Variants in PALS2 observed in about 807,000 individuals in gnomAD.
PALS2 encodes protein associated with LIN7 2, MAGUK p55 family member.
In PALS2, 27 loss-of-function variants were observed where a neutral mutation model predicts 61.6. The observed-to-expected ratio is 0.44, with a 90% CI of 0.32 to 0.60. The LOEUF (loss-of-function observed/expected upper bound fraction) is 0.60. Ranked by LOEUF, PALS2 falls within the 20% of genes least tolerant of loss-of-function variation. The probability of loss-of-function intolerance (pLI) is 0.05; values close to 1 mark genes in which losing one functional copy is unlikely to be tolerated. For missense variants in PALS2, 554 were observed against 639.4 expected, an observed-to-expected ratio of 0.87 and a Z score of 1.44; for synonymous variants, 236 against 218.6, an observed-to-expected ratio of 1.08 and a Z score of -0.70.
chr7:24,602,190 C>G (rs1046000167), intron 1 of PALS2, among the ~76,000 whole-genome samples: 18 of 151,984 alleles, frequency 1.2e-4, no homozygotes, highest in African/African-American at 4.1e-4. Context: ...TTTTTATTTT[C>G]TAAGAGCTCT....
intron 9 of PALS2, among the ~76,000 whole-genome samples, chr7:24,675,185 T>C (rs1787499388): frequency 6.6e-6 from 1 of 152,016 alleles, no homozygotes; most frequent in South Asian, 2.1e-4. Context: ...AGCATGGAGG[T>C]AGAGGTAATA....
chr7:24,599,620 C>G (rs930680738), intron 1 of PALS2, among the ~76,000 whole-genome samples: 4 of 150,008 alleles, frequency 2.7e-5, no homozygotes, highest in Admixed American at 1.3e-4. Flanking sequence ...TTTTCCCGTC[C>G]CAGCCTCCCA....
rs752769791 is a variant in PALS2, at chr7:24,623,761, C to T, written c.94C>T (p.Pro32Ser). 2 of 1,583,268 alleles carry T rather than the reference C, an allele frequency of 1.3e-6. No homozygotes were observed. The highest frequency in any genetic ancestry group is 2.3e-5 in the South Asian group (2 of 88,026). Residue 32 changes from proline to serine, a missense_variant, in exon 2 of 12, where the codon CCT becomes TCT. By Grantham distance (74) the Pro-to-Ser change is moderately conservative (BLOSUM62 -1). Transcript: ENST00000222644. Reference sequence around the variant, plus strand: ...TTTCCTCAAGGGAATTATGGAGAATCCTATTGTAAAATCACTTGCTAAGGT... The same window carrying T: ...TTTCCTCAAGGGAATTATGGAGAATTCTATTGTAAAATCACTTGCTAAGGT... ...LIFLKGIMEN[P>S]IVKSLAKAHE...
intron 11 of PALS2, among the ~76,000 whole-genome samples, chr7:24,683,867 C>T (rs73079935): frequency 6.6e-6 from 1 of 152,262 alleles, no homozygotes; most frequent in Non-Finnish European, 1.5e-5. Context: ...CTTATTTTAT[C>T]TTATATGTCT....
rs559356358 is a variant in PALS2 at position 24,674,483 on chromosome 7, C to G, written c.1115-4648C>G. On this transcript the variant is annotated intron_variant, in intron 9 of 11. Transcript: ENST00000222644. The stretch of plus-strand genomic sequence containing the variant: ...CAAGGGCTTAAAGCCCTCCACAGAA[C>G]CTTTTCTTAGAATGAATGGGTTTAG... 2.0e-5 allele frequency: 3 copies of G among 152,994 alleles called. No individual in the cohort carries two copies. The East Asian group carries it at 5.8e-4, about 30-fold the overall frequency. The allele number at this position is 152,994 out of a possible 1,614,324, so 9.5% of individuals were successfully genotyped here.
At chr7:24,619,149 A>G (rs1198683396) in intron 1 of PALS2, among the ~76,000 whole-genome samples, 2 of 152,148 alleles carry the variant, frequency 1.3e-5, no homozygotes, top group African/African-American at 2.4e-5. Flanking sequence ...TAGTTTACTC[A>G]TACTTTCCTG....
chr7:24,636,080 C>T (rs1333409471), intron 2 of PALS2, among the ~76,000 whole-genome samples: 6 of 151,736 alleles, frequency 4.0e-5, no homozygotes, highest in East Asian at 3.9e-4. Flanking sequence ...GGCATGGTGG[C>T]GCATGCCTGT....
At chr7:24,626,515 A>G (rs561865566) in intron 2 of PALS2, among the ~76,000 whole-genome samples, 1 of 152,330 alleles carries the variant, frequency 6.6e-6, no homozygotes, top group East Asian at 1.9e-4. Context: ...TGACGGGATC[A>G]GATTCACACA....
At chr7:24,644,824 TTAA>T (rs773319752) in intron 3 of PALS2, among the ~76,000 whole-genome samples, 8 of 152,108 alleles carry the variant, frequency 5.3e-5, no homozygotes, top group African/African-American at 9.7e-5. Flanking sequence ...TTTTGACCTT[TTAA>T]TAATAGCCAT....
In PALS2 at chr7:24,685,381, CA is replaced by C. The variant is rs200526662; in HGVS notation, c.1447-2056del. On this transcript the variant is annotated intron_variant, in intron 11 of 11. Transcript: ENST00000222644. The stretch of plus-strand genomic sequence containing the variant: ...TCCAACATAAATCTTAAAACGAATC[CA>C]GCTTTTCTGTGCCCTCTCCACTTTG... 1.1e-4 allele frequency among the ~76,000 whole-genome samples: 16 copies of C among 152,172 alleles called. No individual in the cohort carries two copies. The East Asian group carries it at 2.7e-3, about 26-fold the overall frequency.
At chr7:24,585,542 A>T (rs1244681992) in intron 1 of PALS2, among the ~76,000 whole-genome samples, 2 of 152,276 alleles carry the variant, frequency 1.3e-5, no homozygotes, top group East Asian at 3.9e-4. Flanking sequence ...CTTGCTATAT[A>T]GCCAAGTCGG....
At chr7:24,658,661 A>T (rs1285603983) in intron 5 of PALS2, among the ~76,000 whole-genome samples, 1 of 149,686 alleles carries the variant, frequency 6.7e-6, no homozygotes, top group Non-Finnish European at 1.5e-5. Flanking sequence ...GGTTCAAGTG[A>T]TTCTCCTGCC....
intron 1 of PALS2, among the ~76,000 whole-genome samples, chr7:24,616,265 T>TA (rs1160214411): frequency 6.6e-6 from 1 of 152,080 alleles, no homozygotes; most frequent in Non-Finnish European, 1.5e-5. Flanking sequence ...TTGTTACTGT[T>TA]TACATATGGC....
intron 9 of PALS2, among the ~76,000 whole-genome samples, chr7:24,672,375 C>T (rs13231002): frequency 9.9e-5 from 15 of 151,660 alleles, no homozygotes; most frequent in Non-Finnish European, 2.2e-4. Flanking sequence ...TTACAGGCAC[C>T]CACCATCCTG....
chr7:24,645,148 T>G (rs962676837), intron 3 of PALS2, among the ~76,000 whole-genome samples: 2 of 152,228 alleles, frequency 1.3e-5, no homozygotes, highest in African/African-American at 4.8e-5. Flanking sequence ...AGATCTCATT[T>G]GTCAATATTG....
At chr7:24,685,553 C>A (rs1245668060) in intron 11 of PALS2, among the ~76,000 whole-genome samples, 1 of 151,890 alleles carries the variant, frequency 6.6e-6, no homozygotes. Context: ...TGCATTTTTC[C>A]AATACCAGTA....
rs1406282269 is a variant in PALS2, at chr7:24,689,145, AAAG to A, written c.*1535_*1537del. ...TGTACTTTTTGTTTAATGATTACCGAAAGAAGTTCTCCTTTAGAAGCATTGACT... is the reference window on the plus strand; with the variant it reads ...TGTACTTTTTGTTTAATGATTACCGAAAGTTCTCCTTTAGAAGCATTGACT... On this transcript the variant is annotated 3_prime_UTR_variant, in exon 12 of 12. Transcript: ENST00000222644. The A allele has an allele frequency of 6.6e-6, 1 of 152,166 alleles. No individual in the cohort carries two copies. The highest frequency in any genetic ancestry group is 1.5e-5 in the Non-Finnish European group (1 of 68,030). 9.4% of individuals were successfully genotyped at this position (152,166 alleles called of 1,614,324 possible). A position where few individuals can be genotyped will look rare whatever the true frequency, so the allele number is the denominator to read the frequency against.
chr7:24,618,612 A>G lies in PALS2; in HGVS notation c.-2-5054A>G, dbSNP rs1318533664. On this transcript the variant is annotated intron_variant, in intron 1 of 11. Coordinates refer to ENST00000222644, the MANE Select transcript of PALS2 (RefSeq NM_001303037.2). The surrounding 1 kb of genome is among the most constrained non-coding windows in gnomAD (Gnocchi z 5.1). ...TTGCAAGGACTGTGGATTCTCCTGTAGTAAGGATTGCATGTGTTTGCAGTG... is the reference window on the plus strand; with the variant it reads ...TTGCAAGGACTGTGGATTCTCCTGTGGTAAGGATTGCATGTGTTTGCAGTG... Among the ~76,000 whole-genome samples, 1 of 152,212 alleles carries G rather than the reference A, an allele frequency of 6.6e-6. No individual in the cohort carries two copies. The highest frequency in any genetic ancestry group is 2.4e-5 in the African/African-American group (1 of 41,456).
intron 1 of PALS2, among the ~76,000 whole-genome samples, chr7:24,595,514 ATAAT>A (rs1326385896): frequency 9.3e-6 from 1 of 107,198 alleles, no homozygotes; most frequent in Admixed American, 1.0e-4. Flanking sequence ...TATATAATAT[ATAAT>A]ATATATAATA....
Sources: gnomAD v4.1 joint callset for allele counts (sites outside exome capture counted in the v4.1 genomes callset) on GRCh38, gnomAD v4.1.1 for gene constraint, Gnocchi (gnomAD v3.1) non-coding constraint, MANE v1.5 for transcripts, NCBI Gene and HGNC (gene_info 2026-07-23, HGNC 2026-07-21) for gene names.